TMEM38B: variants seen among roughly 807,000 people sequenced by gnomAD.
TMEM38B encodes the protein transmembrane protein 38B, also known as trimeric intracellular cation channel type B.
Under a neutral mutation model 28.7 loss-of-function variants are expected in TMEM38B, and 24 were observed. The observed-to-expected ratio is 0.84, with a 90% CI of 0.61 to 1.18. The LOEUF (loss-of-function observed/expected upper bound fraction) is 1.18. Ranked by LOEUF, TMEM38B falls within the 50% of genes most tolerant of loss-of-function variation. The pLI, the probability that TMEM38B is intolerant of heterozygous loss-of-function variation, is 0.00. For synonymous variants in TMEM38B, 131 were observed against 127.7 expected (o/e 1.03, Z -0.17); for missense variants, 380 against 350.9 (o/e 1.08, Z -0.66).
intron 5 of TMEM38B, among the ~76,000 whole-genome samples, chr9:105,761,582 A>G (rs1838053425): frequency 6.6e-6 from 1 of 152,206 alleles, no homozygotes; most frequent in South Asian, 2.1e-4. Flanking sequence ...CACCTATCAG[A>G]TGCTTAAAAT....
Position 105,773,924 on chromosome 9 carries a change from G to C in TMEM38B, c.720G>C (p.Leu240Phe). 1 of 1,613,736 alleles carries C rather than the reference G, an allele frequency of 6.2e-7. No individual in the cohort carries two copies. Among genetic ancestry groups the C allele is most frequent in the Non-Finnish European group, 8.5e-7 (1 of 1,179,762 alleles). Reference protein sequence around the residue: ...TMTFAPFEDTLSWMLFGWQQP... With the variant: ...TMTFAPFEDTFSWMLFGWQQP... ...CATTTGCTCCTTTTGAGGATACATTGAGTTGGATGCTATTTGGCTGGCAGC... is the reference window on the plus strand; with the variant it reads ...CATTTGCTCCTTTTGAGGATACATTCAGTTGGATGCTATTTGGCTGGCAGC... Residue 240 changes from leucine to phenylalanine, a missense_variant, in exon 6 of 6, where the codon TTG becomes TTC. Transcript: ENST00000374692.
intron 5 of TMEM38B, among the ~76,000 whole-genome samples, chr9:105,755,708 T>C (rs987450585): frequency 2.0e-5 from 3 of 152,234 alleles, no homozygotes; most frequent in African/African-American, 7.2e-5. Flanking sequence ...GTTCTTTTGA[T>C]TTAGTTGGGC....
At chr9:105,722,819 A>G (rs1471807196) in intron 4 of TMEM38B, among the ~76,000 whole-genome samples, 198 bp downstream of exon 4, 1 of 152,146 alleles carries the variant, frequency 6.6e-6, no homozygotes, top group Non-Finnish European at 1.5e-5. Context: ...TAAAATATAT[A>G]TTTTCCTTCT....
chr9:105,765,598 T>A (rs1826346082), intron 5 of TMEM38B, among the ~76,000 whole-genome samples: 1 of 152,220 alleles, frequency 6.6e-6, no homozygotes, highest in Admixed American at 6.5e-5. Flanking sequence ...TCATATAGTA[T>A]GTACTCATTT....
intron 5 of TMEM38B, chr9:105,759,272 T>TGGGATACATAGAATCCAAG: frequency 1.4e-6 from 1 of 734,312 alleles, no homozygotes; most frequent in Non-Finnish European, 2.4e-6. Flanking sequence ...ATAGATCCAG[T>TGGGATACATAGAATCCAAG]GGGATACATA....
At chr9:105,731,474 A>T (rs1836745675) in intron 4 of TMEM38B, among the ~76,000 whole-genome samples, 1 of 151,910 alleles carries the variant, frequency 6.6e-6, no homozygotes, top group Non-Finnish European at 1.5e-5. Context: ...ACCCCACGAC[A>T]GGCCCTGGTC....
intron 4 of TMEM38B, among the ~76,000 whole-genome samples, chr9:105,742,836 C>G (rs1183836321): frequency 6.6e-6 from 1 of 152,090 alleles, no homozygotes. Flanking sequence ...TTTATCTTAT[C>G]CTTTTAAATT....
At chr9:105,704,441 G>T (rs1395669600) in intron 1 of TMEM38B, among the ~76,000 whole-genome samples, 1 of 152,056 alleles carries the variant, frequency 6.6e-6, no homozygotes, top group Non-Finnish European at 1.5e-5. Context: ...AATATAGTTT[G>T]AGTTAGAGAC....
rs1172691734 is a variant in TMEM38B, at chr9:105,763,920, G to C, written c.661-9945G>C. Among the ~76,000 whole-genome samples, 26 of 150,820 alleles carry C rather than the reference G, an allele frequency of 1.7e-4. No homozygotes were observed. In the East Asian group the frequency reaches 4.6e-3, roughly 27 times the overall value. ...GCTTCATCCCTGGGATGCAAGGCTG[G>C]TTCAATATACGCAAATCAATAAATG... On this transcript the variant is annotated intron_variant, in intron 5 of 5. Coordinates refer to ENST00000374692, the MANE Select transcript of TMEM38B (RefSeq NM_018112.3).
At position 105,762,525 on chromosome 9, in the gene TMEM38B, G is replaced by A. The variant is rs1838098133; in HGVS notation, c.661-11340G>A. ...ATGCGGTGTTTGGTTTTTTGTCCTT[G>A]CGATAGTTTACTGAGAATGATGATT... On this transcript the variant is annotated intron_variant, in intron 5 of 5. Coordinates refer to ENST00000374692, the MANE Select transcript of TMEM38B (RefSeq NM_018112.3). Among the ~76,000 whole-genome samples the A allele has an allele frequency of 2.0e-5, 3 of 148,340 alleles. No homozygotes were observed. The South Asian group carries it at 6.5e-4, about 32-fold the overall frequency.
At chr9:105,713,967 G>C (rs1421261638) in intron 2 of TMEM38B, among the ~76,000 whole-genome samples, 1 of 107,026 alleles carries the variant, frequency 9.3e-6, no homozygotes, top group Admixed American at 9.4e-5. Context: ...CAGCTGCAGG[G>C]AGGAGCTACC....
intron 5 of TMEM38B, chr9:105,759,906 T>C: frequency 5.0e-6 from 8 of 1,595,134 alleles, no homozygotes; most frequent in Non-Finnish European, 6.8e-6. Context: ...CACCAGTGGC[T>C]GAAATGATCA....
At chr9:105,771,501 C>T (rs1826541344) in intron 5 of TMEM38B, among the ~76,000 whole-genome samples, 1 of 152,146 alleles carries the variant, frequency 6.6e-6, no homozygotes, top group Admixed American at 6.5e-5. Flanking sequence ...CCCTGACACT[C>T]TTCTCTTTTG....
At chr9:105,718,596 A>T (rs956324529) in intron 2 of TMEM38B, among the ~76,000 whole-genome samples, 1 of 152,188 alleles carries the variant, frequency 6.6e-6, no homozygotes, top group Non-Finnish European at 1.5e-5. Context: ...ACAAGCAAGC[A>T]AGGTAATCTT....
chr9:105,735,856 A>G (rs1354092438), intron 4 of TMEM38B, among the ~76,000 whole-genome samples: 1 of 151,884 alleles, frequency 6.6e-6, no homozygotes, highest in South Asian at 2.1e-4. Context: ...ATTTTCAGCA[A>G]TTTTCATTTA....
chr9:105,732,961 A>G (rs543502820), intron 4 of TMEM38B, among the ~76,000 whole-genome samples: 91 of 152,094 alleles, frequency 6.0e-4, no homozygotes, highest in Middle Eastern at 3.4e-3. Context: ...TTCAAAGAAC[A>G]TCTTCATTTC....
intron 1 of TMEM38B, among the ~76,000 whole-genome samples, chr9:105,698,194 G>C (rs1835351056): frequency 6.6e-6 from 1 of 150,822 alleles, no homozygotes; most frequent in Non-Finnish European, 1.5e-5. Flanking sequence ...TTTGCTGCTT[G>C]TAGCCAAGAA....
intron 4 of TMEM38B, among the ~76,000 whole-genome samples, chr9:105,745,984 C>G (rs563132976): frequency 1.5e-4 from 23 of 152,158 alleles, no homozygotes; most frequent in Non-Finnish European, 2.9e-4. Context: ...GTTACTGTAG[C>G]CTTGTAGTAT....
Position 105,755,441 on chromosome 9 carries a change from C to T in TMEM38B, c.660+7251C>T, listed in dbSNP as rs569795792. Among the ~76,000 whole-genome samples the T allele has an allele frequency of 1.6e-4, 24 of 151,652 alleles. No homozygotes were observed. The East Asian group carries it at 4.7e-3, about 29-fold the overall frequency. On this transcript the variant is annotated intron_variant, in intron 5 of 5. Transcript: ENST00000374692. ...ACCTGCACATCCTGTACATGTACCC[C>T]GATGTTAAATAAAAGTTGAAGAATG... is the stretch of plus-strand genomic sequence containing the variant.
Sources: allele counts gnomAD v4.1 joint callset (sites outside exome capture counted in the v4.1 genomes callset), GRCh38; gene constraint gnomAD v4.1.1; transcripts MANE v1.5; gene names NCBI Gene and HGNC (gene_info 2026-07-23, HGNC 2026-07-21).